The following RAI14 variants were observed in gnomAD, a reference collection of about 807,000 sequenced individuals.
RAI14 encodes the protein retinoic acid induced 14.
RAI14 carries 45 observed loss-of-function variants against 115.4 expected under a neutral mutation model. That is an observed-to-expected ratio of 0.39 (90% CI 0.31 to 0.50). RAI14 has a LOEUF of 0.50. Among genes scored for constraint, RAI14 ranks in the 20% least tolerant of loss-of-function variants. The pLI is 0.85. For synonymous variants in RAI14, 371 were observed against 415.4 expected (o/e 0.89, Z 1.30); for missense variants, 939 against 1,131.2 (o/e 0.83, Z 2.44).
chr5:34,812,853 T>C (rs981637782), intron 10 of RAI14, among the ~76,000 whole-genome samples: 1 of 152,222 alleles, frequency 6.6e-6, no homozygotes, highest in South Asian at 2.1e-4. Context: ...ACTTGTAATA[T>C]CACATGAGCT....
rs71600953 is a variant in RAI14 at position 34,752,703 on chromosome 5, A to ATGTG, written c.37-4721_37-4718dup. On this transcript the variant is annotated intron_variant, in intron 2 of 17. Coordinates refer to ENST00000265109, the MANE Select transcript of RAI14 (RefSeq NM_015577.3). Reference sequence around the variant, plus strand: ...AGAAATATCTATATTTCTTACATATATGTGTGTGTGTGTGTGTGTGTGTGT... The same window carrying ATGTG: ...AGAAATATCTATATTTCTTACATATATGTGTGTGTGTGTGTGTGTGTGTGTGTGT... Among the ~76,000 whole-genome samples, 322 of 82,998 alleles carry ATGTG rather than the reference A, an allele frequency of 3.9e-3. 4 individuals carry two copies. The highest frequency in any genetic ancestry group is 8.6e-3 in the East Asian group (25 of 2,922). 54.4% of individuals were successfully genotyped at this position (82,998 alleles called of 152,430 possible). A position where few individuals can be genotyped will look rare whatever the true frequency, so the allele number is the denominator to read the frequency against.
intron 2 of RAI14, among the ~76,000 whole-genome samples, chr5:34,720,621 A>G (rs938535263): frequency 2.0e-5 from 3 of 152,046 alleles, no homozygotes; most frequent in South Asian, 4.2e-4. Context: ...CGTGTTAGCC[A>G]GGGTGGTCTC....
intron 1 of RAI14, among the ~76,000 whole-genome samples, chr5:34,684,250 T>C (rs912953713): frequency 3.3e-5 from 5 of 152,232 alleles, no homozygotes; most frequent in Admixed American, 2.6e-4. Context: ...CTAGGTTCTC[T>C]AACTTCAGTG....
chr5:34,732,380 C>T (rs1397370989), intron 2 of RAI14, among the ~76,000 whole-genome samples: 1 of 151,734 alleles, frequency 6.6e-6, no homozygotes, highest in Non-Finnish European at 1.5e-5. Context: ...TAGTTCTAAT[C>T]TTAACTTATA....
At chr5:34,792,527 C>A (rs999863980) in intron 3 of RAI14, among the ~76,000 whole-genome samples, 8 of 152,054 alleles carry the variant, frequency 5.3e-5, no homozygotes, top group Non-Finnish European at 1.0e-4. Flanking sequence ...AGCCACTGTG[C>A]CTGGCCCCTT....
chr5:34,688,005 C>A, intron 2 of RAI14: 3 of 1,289,096 alleles, frequency 2.3e-6, no homozygotes, highest in East Asian at 2.6e-5. Context: ...AAATACCGAC[C>A]CACTTAAAGA....
chr5:34,676,024 C>T (rs546404972), intron 1 of RAI14, among the ~76,000 whole-genome samples: 13 of 152,208 alleles, frequency 8.5e-5, no homozygotes, highest in Non-Finnish European at 1.8e-4. Flanking sequence ...TCATTTCTCT[C>T]GTAGGTGGGA....
In RAI14 at chr5:34,757,741, G is replaced by T. The variant is rs16903922; in HGVS notation, c.167+143G>T. On this transcript the variant is annotated intron_variant, in intron 3 of 17. Transcript: ENST00000265109. Reference sequence around the variant, plus strand: ...ATATGTAAGAAGATATTTTAATCTAGTGCCTTTCTCTCCAAATTCCAAGTC... The same window carrying T: ...ATATGTAAGAAGATATTTTAATCTATTGCCTTTCTCTCCAAATTCCAAGTC... 11,473 of 1,122,470 alleles carry T rather than the reference G, an allele frequency of 0.01. 889 individuals are homozygous for T. The African/African-American group carries it at 0.16, about 16-fold the overall frequency. 69.5% of individuals were successfully genotyped at this position (1,122,470 alleles called of 1,614,324 possible). A position where few individuals can be genotyped will look rare whatever the true frequency, so the allele number is the denominator to read the frequency against.
At chr5:34,722,827 T>C (rs1742946967) in intron 2 of RAI14, among the ~76,000 whole-genome samples, 1 of 150,296 alleles carries the variant, frequency 6.7e-6, no homozygotes, top group African/African-American at 2.5e-5. Context: ...CCCAGCACTT[T>C]GGGAGGCTGA....
intron 3 of RAI14, among the ~76,000 whole-genome samples, chr5:34,782,578 T>C (rs71615824): frequency 0.22 from 33,495 of 152,086 alleles, 5,023 homozygotes; most frequent in Non-Finnish European, 0.31. Context: ...ATTTGTAGAG[T>C]GTCCTTCTAG....
At chr5:34,665,003 GTA>G (rs70973003) in intron 1 of RAI14, among the ~76,000 whole-genome samples, 8,598 of 17,412 alleles carry the variant, frequency 0.49, 2,707 homozygotes, top group South Asian at 0.56. Flanking sequence ...ATATATATGT[GTA>G]TATATATATA....
At chr5:34,729,347 T>TAC (rs764238156) in intron 2 of RAI14, among the ~76,000 whole-genome samples, 10 of 151,816 alleles carry the variant, frequency 6.6e-5, no homozygotes, top group Non-Finnish European at 1.3e-4. Flanking sequence ...AGTGCCTGTC[T>TAC]ATACACACAC....
chr5:34,775,746 G>A (rs1310205669), intron 3 of RAI14, among the ~76,000 whole-genome samples: 1 of 152,206 alleles, frequency 6.6e-6, no homozygotes, highest in Non-Finnish European at 1.5e-5. Context: ...TAAAATGGCT[G>A]ACATCCAAAA....
chr5:34,771,800 CTGTT>C (rs968898560), intron 3 of RAI14, among the ~76,000 whole-genome samples: 56 of 152,344 alleles, frequency 3.7e-4, no homozygotes, highest in African/African-American at 1.2e-3. Context: ...ACTGAGAACA[CTGTT>C]TGCTTTTTTG....
At chr5:34,715,402 C>G (rs2149977497) in intron 2 of RAI14, among the ~76,000 whole-genome samples, 1 of 152,236 alleles carries the variant, frequency 6.6e-6, no homozygotes, top group Middle Eastern at 3.4e-3. Context: ...TTGGTCCACG[C>G]CCCAGTATTT....
chr5:34,778,762 GAA>G (rs34710502), intron 3 of RAI14, among the ~76,000 whole-genome samples: 1 of 143,186 alleles, frequency 7.0e-6, no homozygotes, highest in Non-Finnish European at 1.5e-5. Context: ...TTAAAGAAAG[GAA>G]AAAAAAAAAC....
At chr5:34,750,848 ATT>A (rs869028180) in intron 2 of RAI14, among the ~76,000 whole-genome samples, 5 of 83,612 alleles carry the variant, frequency 6.0e-5, no homozygotes, top group East Asian at 6.3e-4. Context: ...TTGCTTTATC[ATT>A]TTTTTTTTTT....
chr5:34,813,811 G>T, intron 11 of RAI14, 151 bp downstream of exon 11: 1 of 480,522 alleles, frequency 2.1e-6, no homozygotes, highest in Non-Finnish European at 3.5e-6. Context: ...ACAAATTGTG[G>T]TAAGAAGGAT....
chr5:34,705,243 A>G (rs1306994831), intron 2 of RAI14, among the ~76,000 whole-genome samples: 1 of 152,212 alleles, frequency 6.6e-6, no homozygotes, highest in African/African-American at 2.4e-5. Flanking sequence ...AGTATTTGCA[A>G]TAAAAATGTA....
Sources: allele counts gnomAD v4.1 joint callset (sites outside exome capture counted in the v4.1 genomes callset), GRCh38; gene constraint gnomAD v4.1.1; transcripts MANE v1.5; gene names NCBI Gene and HGNC (gene_info 2026-07-23, HGNC 2026-07-21).